DNAH6: variants seen among roughly 807,000 people sequenced by gnomAD.
The protein encoded by DNAH6 is axonemal beta dynein heavy chain 6.
Under a neutral mutation model 491.4 loss-of-function variants are expected in DNAH6, and 340 were observed. The observed-to-expected ratio is 0.69, with a 90% CI of 0.63 to 0.76. DNAH6 has a LOEUF of 0.76. Ranked by LOEUF, DNAH6 falls within the 30% of genes least tolerant of loss-of-function variation. DNAH6 has a pLI of 0.00. For synonymous variants in DNAH6, 1,603 were observed against 1,686.1 expected (o/e 0.95, Z 1.21); for missense variants, 4,443 against 4,972.2 (o/e 0.89, Z 3.20).
rs73943378 is a variant in DNAH6 at position 84,675,319 on chromosome 2, G to A, written c.6613-1686G>A. Among the ~76,000 whole-genome samples, 1,128 of 152,206 alleles carry A rather than the reference G, an allele frequency of 7.4e-3. 17 individuals are homozygous for A. Among genetic ancestry groups the A allele is most frequent in the African/African-American group, 0.026 (1,080 of 41,524 alleles). On this transcript the variant is annotated intron_variant, in intron 40 of 76. Coordinates refer to ENST00000389394, the MANE Select transcript of DNAH6 (RefSeq NM_001370.2). The stretch of plus-strand genomic sequence containing the variant: ...CTTAATACCTTGTATATAGTAAGCC[G>A]TTGTTTATTGGAACTGATTCACGTA...
At chr2:84,772,697 G>A (rs1675749163) in intron 64 of DNAH6, among the ~76,000 whole-genome samples, 1 of 151,950 alleles carries the variant, frequency 6.6e-6, no homozygotes, top group South Asian at 2.1e-4. Flanking sequence ...GAAAACAGTT[G>A]GAAATTTCAA....
intron 64 of DNAH6, among the ~76,000 whole-genome samples, chr2:84,767,994 G>T (rs1347610504): frequency 6.6e-6 from 1 of 152,030 alleles, no homozygotes; most frequent in African/African-American, 2.4e-5. Flanking sequence ...CGTGTGAAAA[G>T]CAAATTACTG....
intron 18 of DNAH6, 23 bp downstream of exon 18, chr2:84,595,812 C>A (rs1355930378): frequency 6.5e-7 from 1 of 1,530,200 alleles, no homozygotes; most frequent in South Asian, 1.3e-5. Context: ...GAAGTTATTT[C>A]AAAAACTGTA....
chr2:84,600,979 TTATAG>T (rs1685152146), intron 18 of DNAH6, among the ~76,000 whole-genome samples: 1 of 147,244 alleles, frequency 6.8e-6, no homozygotes, highest in African/African-American at 2.5e-5. Context: ...TATATTATTA[TTATAG>T]TATAATAATA....
At chr2:84,806,362 G>A (rs960654169) in intron 71 of DNAH6, among the ~76,000 whole-genome samples, 1 of 152,188 alleles carries the variant, frequency 6.6e-6, no homozygotes, top group African/African-American at 2.4e-5. Context: ...GCTGATGCCT[G>A]TAATCCTAGC....
Position 84,552,943 on chromosome 2 carries a change from A to G in DNAH6, c.1511A>G (p.Glu504Gly). The change falls in exon 10 of 77, where the codon GAA becomes GGA. Residue 504 changes from glutamate (E) to glycine (G), a missense_variant. Coordinates refer to ENST00000389394, the MANE Select transcript of DNAH6 (RefSeq NM_001370.2). Reference protein sequence around the residue: ...KKGTLMVEKQEEDESLIPMFL... With the variant: ...KKGTLMVEKQGEDESLIPMFL... ...GGGACCCTTATGGTGGAAAAGCAAG[A>G]AGAAGATGAATCTCTCATCCCCATG... 6.2e-7 allele frequency: 1 copy of G among 1,610,888 alleles called. No individual in the cohort carries two copies. The highest frequency in any genetic ancestry group is 8.5e-7 in the Non-Finnish European group (1 of 1,178,520).
chr2:84,499,815 T>C, the DNAH6 span, among the ~76,000 whole-genome samples: 1 of 152,262 alleles, frequency 6.6e-6, no homozygotes, highest in African/African-American at 2.4e-5. Context: ...ATATGCCTGT[T>C]TGACATTTGT....
At chr2:84,742,337 C>G (rs1176573234) in intron 62 of DNAH6, among the ~76,000 whole-genome samples, 1 of 152,078 alleles carries the variant, frequency 6.6e-6, no homozygotes, top group Non-Finnish European at 1.5e-5. Flanking sequence ...ACATGAAAGT[C>G]TTTCTTTTAA....
intron 64 of DNAH6, among the ~76,000 whole-genome samples, chr2:84,764,538 G>A (rs1194599655): frequency 1.3e-5 from 2 of 152,164 alleles, no homozygotes; most frequent in Non-Finnish European, 2.9e-5. Flanking sequence ...TTATTTGGCA[G>A]TATATATTAA....
chr2:84,682,363 C>T (rs1693866103), intron 42 of DNAH6, among the ~76,000 whole-genome samples: 1 of 152,198 alleles, frequency 6.6e-6, no homozygotes, highest in South Asian at 2.1e-4. Flanking sequence ...TGCTCCTCTT[C>T]TTCCCTACCT....
chr2:84,647,089 A>G (rs1689973838), intron 33 of DNAH6, among the ~76,000 whole-genome samples: 1 of 152,028 alleles, frequency 6.6e-6, no homozygotes, highest in Non-Finnish European at 1.5e-5. Context: ...TCAAGTGATC[A>G]GCCCGCCTCA....
Position 84,551,277 on chromosome 2 carries a change from TAA to T in DNAH6, c.1485+1223_1485+1224del, listed in dbSNP as rs560516752. On this transcript the variant is annotated intron_variant, in intron 9 of 76. Coordinates refer to ENST00000389394, the MANE Select transcript of DNAH6 (RefSeq NM_001370.2). ...CTTTTTATAAATAGTATCAAAATTT[TAA>T]AAGTCACATTTATTTTTCTATTCTA... Among the ~76,000 whole-genome samples, 219 of 152,340 alleles carry T rather than the reference TAA, an allele frequency of 1.4e-3. 1 individual carries two copies. Among genetic ancestry groups the T allele is most frequent in the Non-Finnish European group, 2.5e-3 (168 of 68,028 alleles).
At chr2:84,470,924 T>C in the DNAH6 span, among the ~76,000 whole-genome samples, 61 of 152,162 alleles carry the variant, frequency 4.0e-4, no homozygotes, top group Non-Finnish European at 8.2e-4. Flanking sequence ...TATTTATTGG[T>C]AATCCAACAA....
chr2:84,647,201 T>G (rs1573349916), intron 33 of DNAH6, among the ~76,000 whole-genome samples: 1 of 152,292 alleles, frequency 6.6e-6, no homozygotes, highest in East Asian at 1.9e-4. Context: ...AGCTTCAAAC[T>G]TCTTTCCCTC....
rs537178997 is a variant in DNAH6 at position 84,772,416 on chromosome 2, A to AAC, written c.10704-9061_10704-9060dup. Among the ~76,000 whole-genome samples the AAC allele has an allele frequency of 7.0e-3, 1,054 of 151,420 alleles. 13 individuals are homozygous for AAC. Among genetic ancestry groups the AAC allele is most frequent in the African/African-American group, 0.024 (992 of 41,350 alleles). ...ACAGAGATTGGCAGAATGGATTTCAAACACACACACACACACAATTCAGTT... is the reference window on the plus strand; with the variant it reads ...ACAGAGATTGGCAGAATGGATTTCAAACACACACACACACACACAATTCAGTT... On this transcript the variant is annotated intron_variant, in intron 64 of 76. Transcript: ENST00000389394.
chr2:84,518,627 A>G (rs1479019325), intron 2 of DNAH6, among the ~76,000 whole-genome samples: 1 of 152,198 alleles, frequency 6.6e-6, no homozygotes, highest in Non-Finnish European at 1.5e-5. Context: ...ACAAAAGTGT[A>G]TCACTAACCG....
At chr2:84,462,205 G>T in the DNAH6 span, among the ~76,000 whole-genome samples, 1 of 152,184 alleles carries the variant, frequency 6.6e-6, no homozygotes, top group African/African-American at 2.4e-5. Flanking sequence ...ATATCTGATT[G>T]CTCCCTCTGC....
At chr2:84,572,263 A>C (rs1681977007) in intron 11 of DNAH6, among the ~76,000 whole-genome samples, 1 of 152,220 alleles carries the variant, frequency 6.6e-6, no homozygotes, top group Non-Finnish European at 1.5e-5. Context: ...TTATAAAGTA[A>C]ATATGATAAA....
chr2:84,637,916 A>G (rs982477104), intron 31 of DNAH6, among the ~76,000 whole-genome samples: 3 of 152,060 alleles, frequency 2.0e-5, no homozygotes, highest in Admixed American at 1.3e-4. Context: ...AATAGCCAAG[A>G]ATTTAAATGC....
Sources: gnomAD v4.1 joint callset for allele counts (sites outside exome capture counted in the v4.1 genomes callset) on GRCh38, gnomAD v4.1.1 for gene constraint, MANE v1.5 for transcripts, NCBI Gene and HGNC (gene_info 2026-07-23, HGNC 2026-07-21) for gene names.